Variants in SAXO1 observed in about 807,000 individuals in gnomAD.
SAXO1 encodes 4930500O09Rik.
In SAXO1, 21 loss-of-function variants were observed where a neutral mutation model predicts 17.5. That is an observed-to-expected ratio of 1.20 (90% CI 0.85 to 1.72). The LOEUF is 1.72. Among genes scored for constraint, SAXO1 ranks in the 40% most tolerant of loss-of-function variants. SAXO1 has a pLI of 0.00. For missense variants in SAXO1, 843 were observed against 596.0 expected, an observed-to-expected ratio of 1.41 and a Z score of -4.32; for synonymous variants, 274 against 216.5, an observed-to-expected ratio of 1.27 and a Z score of -2.33.
chr9:19,031,368 C>A (rs1835761783), intron 1 of SAXO1, among the ~76,000 whole-genome samples: 1 of 152,198 alleles, frequency 6.6e-6, no homozygotes, highest in South Asian at 2.1e-4. Context: ...CAAAACCAGC[C>A]TGGACAACAT....
intron 1 of SAXO1, among the ~76,000 whole-genome samples, chr9:18,970,062 C>A (rs1588458519): frequency 6.6e-6 from 1 of 152,172 alleles, no homozygotes; most frequent in Non-Finnish European, 1.5e-5. Flanking sequence ...GGTTGTATGG[C>A]CTCTGCCTTA....
chr9:18,953,189 T>G (rs1322290499), intron 1 of SAXO1, among the ~76,000 whole-genome samples: 4 of 152,356 alleles, frequency 2.6e-5, no homozygotes, highest in African/African-American at 9.6e-5. Flanking sequence ...AAAGTCAAGA[T>G]TTTATTCAGG....
At position 19,049,092 on chromosome 9, in the gene SAXO1, C is replaced by T. The variant is rs1836289514; in HGVS notation, c.-158+117G>A. ...CCCTCCACTTCACCAGTCGGCTGCC[C>T]CTGCGGAAACCGGCCCGACACACCT... On this transcript the variant is annotated intron_variant, in intron 1 of 3. Coordinates refer to the SAXO1 transcript ENST00000542071. This position sits in a 1 kb window ranked among gnomAD's most constrained non-coding sequence, Gnocchi z 5.4. 6.6e-6 allele frequency: 1 copy of T among 152,662 alleles called. No individual in the cohort carries two copies. Among genetic ancestry groups the T allele is most frequent in the Admixed American group, 6.5e-5 (1 of 15,294 alleles). The allele number at this position is 152,662 out of a possible 1,614,324, so 9.5% of individuals were successfully genotyped here. A position where few individuals can be genotyped will look rare whatever the true frequency, so the allele number is the denominator to read the frequency against.
intron 1 of SAXO1, among the ~76,000 whole-genome samples, chr9:18,997,609 G>A (rs375101715): frequency 6.6e-6 from 1 of 152,260 alleles, no homozygotes; most frequent in Admixed American, 6.5e-5. Flanking sequence ...GAAGACAGCA[G>A]TGGTTCTCCC....
At chr9:18,997,869 G>C (rs774752966) in intron 1 of SAXO1, among the ~76,000 whole-genome samples, 6 of 152,206 alleles carry the variant, frequency 3.9e-5, no homozygotes, top group African/African-American at 7.2e-5. Context: ...CAGACATGCA[G>C]CTGAGGGGCC....
At chr9:18,945,900 G>T (rs1289241031) in intron 2 of SAXO1, among the ~76,000 whole-genome samples, 1 of 152,158 alleles carries the variant, frequency 6.6e-6, no homozygotes, top group East Asian at 1.9e-4. Flanking sequence ...AAAGCTTCCA[G>T]CCTGAAGGTC....
chr9:19,041,615 A>C (rs1207951005), intron 1 of SAXO1, among the ~76,000 whole-genome samples: 1 of 152,208 alleles, frequency 6.6e-6, no homozygotes, highest in Admixed American at 6.5e-5. Flanking sequence ...CCAATAGAAC[A>C]GAAAAGAAAA....
chr9:18,985,639 A>C (rs897895280), intron 1 of SAXO1, among the ~76,000 whole-genome samples: 1 of 152,176 alleles, frequency 6.6e-6, no homozygotes, highest in African/African-American at 2.4e-5. Flanking sequence ...CTCACGATGG[A>C]GCCCAAGGGC....
At chr9:18,931,802 C>T (rs1451522490) in intron 3 of SAXO1, among the ~76,000 whole-genome samples, 2 of 152,112 alleles carry the variant, frequency 1.3e-5, no homozygotes, top group African/African-American at 2.4e-5. Flanking sequence ...TGCACTTATC[C>T]GCTCTTCATG....
At chr9:18,992,227 T>A (rs1833842552) in intron 1 of SAXO1, among the ~76,000 whole-genome samples, 1 of 152,188 alleles carries the variant, frequency 6.6e-6, no homozygotes, top group Admixed American at 6.5e-5. Flanking sequence ...GGCTTACAGT[T>A]CTAGGGGCTA....
At chr9:18,942,070 G>A (rs73648808) in intron 2 of SAXO1, among the ~76,000 whole-genome samples, 7 of 119,850 alleles carry the variant, frequency 5.8e-5, no homozygotes, top group Admixed American at 1.5e-4. Flanking sequence ...CTTTCCTCAC[G>A]GCCCCAGAGT....
At chr9:19,023,683 G>A (rs1356226788) in intron 1 of SAXO1, among the ~76,000 whole-genome samples, 1 of 152,112 alleles carries the variant, frequency 6.6e-6, no homozygotes, top group Non-Finnish European at 1.5e-5. Flanking sequence ...TATCTTTAAG[G>A]AAATATTAGC....
chr9:19,000,395 C>T (rs566426237), intron 1 of SAXO1, among the ~76,000 whole-genome samples: 23 of 149,436 alleles, frequency 1.5e-4, no homozygotes, highest in South Asian at 8.6e-4. Context: ...AAGTGAGGAG[C>T]GCCTCCACCT....
chr9:18,970,067 G>A (rs1166551692), intron 1 of SAXO1, among the ~76,000 whole-genome samples: 3 of 152,154 alleles, frequency 2.0e-5, no homozygotes, highest in Non-Finnish European at 1.5e-5. Flanking sequence ...TATGGCCTCT[G>A]CCTTACTAAG....
upstream of SAXO1, among the ~76,000 whole-genome samples, chr9:19,035,062 C>T (rs887369914): frequency 1.3e-5 from 2 of 152,186 alleles, no homozygotes; most frequent in African/African-American, 4.8e-5. Context: ...ACCTAAAGAT[C>T]AGTGCTAGAC....
intron 1 of SAXO1, among the ~76,000 whole-genome samples, chr9:19,025,680 G>A (rs1230863873): frequency 6.6e-6 from 1 of 152,120 alleles, no homozygotes; most frequent in African/African-American, 2.4e-5. Context: ...ACCAGTCCTG[G>A]AATTTCCTGC....
At chr9:19,007,214 G>C (rs1485675362) in intron 1 of SAXO1, among the ~76,000 whole-genome samples, 4 of 148,854 alleles carry the variant, frequency 2.7e-5, no homozygotes, top group African/African-American at 7.5e-5. Flanking sequence ...GGGCGTTTTG[G>C]TGCACGCCTG....
intron 1 of SAXO1, among the ~76,000 whole-genome samples, chr9:19,032,614 G>A (rs766400065): frequency 7.2e-5 from 11 of 152,198 alleles, no homozygotes; most frequent in South Asian, 4.1e-4. Context: ...TGCAGACTGC[G>A]CGGTCACGCC....
At chr9:19,044,565 C>T (rs1321307145) in intron 1 of SAXO1, among the ~76,000 whole-genome samples, 2 of 152,168 alleles carry the variant, frequency 1.3e-5, no homozygotes, top group East Asian at 1.9e-4. Context: ...ACTTAGCTGA[C>T]TCAAGAAAGC....
Sources: gnomAD v4.1 joint callset for allele counts (sites outside exome capture counted in the v4.1 genomes callset) on GRCh38, gnomAD v4.1.1 for gene constraint, Gnocchi (gnomAD v3.1) non-coding constraint, MANE v1.5 for transcripts, NCBI Gene and HGNC (gene_info 2026-07-23, HGNC 2026-07-21) for gene names.